CFHR5: variants seen among roughly 807,000 people sequenced by gnomAD.
CFHR5 encodes the protein complement factor H related 5.
In CFHR5, 73 loss-of-function variants were observed where a neutral mutation model predicts 62.9. The ratio of observed to expected loss-of-function variants is 1.16; its 90% CI spans 0.96 to 1.41. The LOEUF (loss-of-function observed/expected upper bound fraction) is 1.41. Among genes scored for constraint, CFHR5 ranks in the 40% most tolerant of loss-of-function variants. The pLI, the probability that CFHR5 is intolerant of heterozygous loss-of-function variation, is 0.00. For synonymous variants in CFHR5, 249 were observed against 227.2 expected (o/e 1.10, Z -0.86); for missense variants, 779 against 679.9 (o/e 1.15, Z -1.62).
At position 196,982,929 on chromosome 1, in the gene CFHR5, G is replaced by C; in HGVS notation, c.103G>C (p.Asp35His). ...AAAAATACACCATGGATTTCTGTAT[G>C]ATGAAGAAGATTATAACCCTTTTTC... is the stretch of plus-strand genomic sequence containing the variant. ...FPKIHHGFLY[D>H]EEDYNPFSQV... The change falls in exon 2 of 10, where the codon GAT (aspartate) becomes CAT (histidine). Residue 35 changes from aspartate (D) to histidine (H), a missense_variant. Physicochemically the swap from Asp to His is moderately conservative, Grantham distance 81 (BLOSUM62 -1). Transcript: ENST00000256785. 6.2e-7 allele frequency: 1 copy of C among 1,614,060 alleles called. No individual in the cohort carries two copies. Among genetic ancestry groups the C allele is most frequent in the South Asian group, 1.1e-5 (1 of 91,040 alleles).
At chr1:196,987,433 G>C (rs1653722995) in intron 3 of CFHR5, among the ~76,000 whole-genome samples, 1 of 152,158 alleles carries the variant, frequency 6.6e-6, no homozygotes, top group African/African-American at 2.4e-5. Context: ...TGAAGTACTT[G>C]CCCATGCCTT....
At chr1:196,976,804 T>TA (rs1226076688), upstream of CFHR5, among the ~76,000 whole-genome samples, 1 of 139,386 alleles carries the variant, frequency 7.2e-6, no homozygotes, top group Admixed American at 7.0e-5. Context: ...TTATTCTTTT[T>TA]TTTTTTTTTT....
intron 7 of CFHR5, 65 bp downstream of exon 7, chr1:196,998,369 T>G: frequency 7.8e-7 from 1 of 1,278,146 alleles, no homozygotes; most frequent in Non-Finnish European, 1.1e-6. Context: ...TATTTTGAAA[T>G]TAGAATGTTT....
chr1:196,997,536 C>T (rs185961770), intron 6 of CFHR5, among the ~76,000 whole-genome samples: 1 of 152,066 alleles, frequency 6.6e-6, no homozygotes, highest in Admixed American at 6.6e-5. Context: ...ACAATGAGAA[C>T]TACTTAGACA....
In CFHR5 at chr1:196,998,165, T is replaced by G. The variant is rs150007386; in HGVS notation, c.1008T>G (p.Val336=). 1.3e-6 allele frequency: 2 copies of G among 1,581,570 alleles called. No homozygotes were observed. Among genetic ancestry groups the G allele is most frequent in the Non-Finnish European group, 1.7e-6 (2 of 1,161,552 alleles). ...TTAAGAGGTGCAAAATAGCAGGAGT[T>G]AATATAAAAACATTACTCAAGCTAT... ...HQLKRCKIAG[V]NIKTLLKLSG... The change falls in exon 7 of 10, where the codon GTT becomes GTG. Residue 336 remains valine, a synonymous_variant. Coordinates refer to ENST00000256785, the MANE Select transcript of CFHR5 (RefSeq NM_030787.4).
chr1:197,008,902 T>C lies in CFHR5; in HGVS notation c.*219T>C, dbSNP rs1571532440. On this transcript the variant is annotated 3_prime_UTR_variant, in exon 10 of 10. Transcript: ENST00000256785. ...TGTCTTAGTCCATATTACATTGTTA[T>C]AACAGAGTATCACAGACTGGATAAC... 2.0e-6 allele frequency: 1 copy of C among 512,220 alleles called. No homozygotes were observed. Among genetic ancestry groups the C allele is most frequent in the Middle Eastern group, 5.4e-4 (1 of 1,846 alleles). The allele number at this position is 512,220 out of a possible 1,614,324, so 31.7% of individuals were successfully genotyped here. A position where few individuals can be genotyped will look rare whatever the true frequency, so the allele number is the denominator to read the frequency against.
intron 1 of CFHR5, among the ~76,000 whole-genome samples, chr1:196,978,341 T>C (rs1176615511): frequency 6.6e-6 from 1 of 152,098 alleles, no homozygotes; most frequent in African/African-American, 2.4e-5. Flanking sequence ...AAACTGATTC[T>C]TATAACATTA....
At chr1:197,004,900 T>C (rs943208378) in intron 9 of CFHR5, 57 bp downstream of exon 9, 33 of 1,361,024 alleles carry the variant, frequency 2.4e-5, no homozygotes, top group Non-Finnish European at 3.1e-6. Flanking sequence ...TGTAATTTTT[T>C]TGGACTAATT....
chr1:196,992,722 A>T (rs1486299625), intron 3 of CFHR5, among the ~76,000 whole-genome samples: 1 of 152,214 alleles, frequency 6.6e-6, no homozygotes, highest in South Asian at 2.1e-4. Flanking sequence ...AAAAAAGACT[A>T]TAAACAACCA....
chr1:197,002,497 T>C lies in CFHR5; in HGVS notation c.1163T>C (p.Phe388Ser), dbSNP rs778046916. The C allele has an allele frequency of 6.2e-7, 1 of 1,613,210 alleles. No individual in the cohort carries two copies. The highest frequency in any genetic ancestry group is 1.1e-5 in the South Asian group (1 of 90,996). The change falls in exon 8 of 10, where the codon TTC (phenylalanine) becomes TCC (serine). Residue 388 changes from phenylalanine (F) to serine (S), a missense_variant. Coordinates refer to ENST00000256785, the MANE Select transcript of CFHR5 (RefSeq NM_030787.4). ...EVDCTEKREQ[F>S]CPPPPQIPNA... ...TATTTTGTAGAAAAAAGGGAACAAT[T>C]CTGCCCACCGCCACCTCAGATACCT... is the stretch of plus-strand genomic sequence containing the variant.
At chr1:197,000,509 T>G (rs1654124872) in intron 7 of CFHR5, among the ~76,000 whole-genome samples, 1 of 152,180 alleles carries the variant, frequency 6.6e-6, no homozygotes, top group Non-Finnish European at 1.5e-5. Context: ...TCTTTTTACC[T>G]AAAATATAAA....
chr1:196,995,547 T>C (rs1353163026), intron 4 of CFHR5, among the ~76,000 whole-genome samples, 170 bp from the exon 5 acceptor site: 1 of 152,106 alleles, frequency 6.6e-6, no homozygotes, highest in Non-Finnish European at 1.5e-5. Flanking sequence ...TGTCAATATT[T>C]GAGGAAACGA....
intron 3 of CFHR5, among the ~76,000 whole-genome samples, chr1:196,988,059 T>C (rs955291462): frequency 6.6e-6 from 1 of 152,196 alleles, no homozygotes; most frequent in Non-Finnish European, 1.5e-5. Context: ...CAGTGGTTTG[T>C]AGTTCTCCTT....
chr1:196,997,191 G>A (rs527932385), intron 6 of CFHR5, among the ~76,000 whole-genome samples: 1 of 152,200 alleles, frequency 6.6e-6, no homozygotes, highest in South Asian at 2.1e-4. Context: ...ATTACTGTAG[G>A]TGTTGCCAGC....
chr1:197,008,454 T>G, intron 9 of CFHR5, 33 bp from the exon 10 acceptor site: 8 of 1,285,864 alleles, frequency 6.2e-6, no homozygotes, highest in Non-Finnish European at 8.6e-6. Flanking sequence ...GTATTATTAT[T>G]TATTTATTTT....
intron 1 of CFHR5, among the ~76,000 whole-genome samples, chr1:196,980,445 T>C (rs1055870297): frequency 6.6e-6 from 1 of 152,144 alleles, no homozygotes; most frequent in Admixed American, 6.6e-5. Context: ...ATGTGAGTAA[T>C]ACATTGGATT....
At chr1:197,002,449 T>C (rs1408964563) in intron 7 of CFHR5, 33 bp from the exon 8 acceptor site, 9 of 1,558,836 alleles carry the variant, frequency 5.8e-6, no homozygotes, top group Non-Finnish European at 7.9e-6. Flanking sequence ...TTAACTTTTA[T>C]TAATCATATA....
At chr1:196,995,951 T>C (rs766880328) in intron 5 of CFHR5, 52 bp downstream of exon 5, 16 of 1,593,352 alleles carry the variant, frequency 1.0e-5, no homozygotes, top group African/African-American at 1.3e-5. Flanking sequence ...TTTGCACTTA[T>C]ATATAAATAC....
chr1:196,998,417 C>A, intron 7 of CFHR5, 113 bp downstream of exon 7: 1 of 883,286 alleles, frequency 1.1e-6, no homozygotes, highest in Non-Finnish European at 1.8e-6. Context: ...AATTTCTATG[C>A]TAATAGTAAA....
Sources: allele counts gnomAD v4.1 joint callset (sites outside exome capture counted in the v4.1 genomes callset), GRCh38; gene constraint gnomAD v4.1.1; transcripts MANE v1.5; gene names NCBI Gene and HGNC (gene_info 2026-07-23, HGNC 2026-07-21).